HERC1: variants seen among roughly 807,000 people sequenced by gnomAD.
HERC1 encodes probable E3 ubiquitin-protein ligase HERC1.
HERC1 carries 160 observed loss-of-function variants against 554.3 expected under a neutral mutation model. The ratio of observed to expected loss-of-function variants is 0.29; its 90% CI spans 0.25 to 0.33. The LOEUF (loss-of-function observed/expected upper bound fraction) is 0.33. Among genes scored for constraint, HERC1 ranks in the 10% least tolerant of loss-of-function variants. HERC1 has a pLI of 1.00. For missense variants in HERC1, 4,919 were observed against 5,918.5 expected (o/e 0.83, Z 5.54); for synonymous variants, 2,175 against 2,131.7 (o/e 1.02, Z -0.56).
Position 63,718,482 on chromosome 15 carries a change from C to G in HERC1, c.3978+92G>C. The G allele has an allele frequency of 4.7e-6, 6 of 1,280,718 alleles. No homozygotes were observed. Among genetic ancestry groups the G allele is most frequent in the Non-Finnish European group, 5.3e-6 (5 of 944,734 alleles). 79.3% of individuals were successfully genotyped at this position (1,280,718 alleles called of 1,614,324 possible). On this transcript the variant is annotated intron_variant, in intron 21 of 77. Coordinates refer to ENST00000443617, the MANE Select transcript of HERC1 (RefSeq NM_003922.4). The surrounding 1 kb of genome is among the most constrained non-coding windows in gnomAD (Gnocchi z 4.2). ...AACATGTATTGAACATATGCAATAA[C>G]CAAGGCACATTTTTTTCTCACATAA...
In HERC1 at chr15:63,608,978, A is replaced by C; in HGVS notation, c.*103T>G. 1 of 985,870 alleles carries C rather than the reference A, an allele frequency of 1.0e-6. No individual in the cohort carries two copies. Among genetic ancestry groups the C allele is most frequent in the Admixed American group, 3.2e-5 (1 of 30,782 alleles). 61.1% of individuals were successfully genotyped at this position (985,870 alleles called of 1,614,324 possible). A position where few individuals can be genotyped will look rare whatever the true frequency, so the allele number is the denominator to read the frequency against. On this transcript the variant is annotated 3_prime_UTR_variant, in exon 78 of 78. Coordinates refer to ENST00000443617, the MANE Select transcript of HERC1 (RefSeq NM_003922.4). ...TGGCCATTGTTTATAATGTTGGTTTATGTTCTTATAACATCTATGTAGTTA... is the reference window on the plus strand; with the variant it reads ...TGGCCATTGTTTATAATGTTGGTTTCTGTTCTTATAACATCTATGTAGTTA...
intron 1 of HERC1, among the ~76,000 whole-genome samples, chr15:63,817,953 T>C (rs568534246): frequency 1.4e-4 from 22 of 152,200 alleles, no homozygotes; most frequent in South Asian, 4.1e-4. Flanking sequence ...CCTATTCCCA[T>C]AATAGATTAA....
intron 1 of HERC1, among the ~76,000 whole-genome samples, chr15:63,829,561 G>GTGTGTATATATATATA (rs1220043639): frequency 6.1e-5 from 5 of 81,762 alleles, no homozygotes; most frequent in Non-Finnish European, 9.5e-5. Context: ...GTGTGTGTGT[G>GTGTGTATATATATATA]TATATATATA....
At chr15:63,640,941 A>C (rs753256525) in intron 60 of HERC1, among the ~76,000 whole-genome samples, 25 of 152,226 alleles carry the variant, frequency 1.6e-4, no homozygotes, top group Non-Finnish European at 3.7e-4. Flanking sequence ...AAAAAGCTGG[A>C]AGACAGGCTA....
intron 2 of HERC1, among the ~76,000 whole-genome samples, chr15:63,769,229 C>T (rs2075876508): frequency 1.3e-5 from 2 of 152,048 alleles, no homozygotes; most frequent in African/African-American, 2.4e-5. Context: ...ACCAGCCTGG[C>T]CAACATGGCA....
chr15:63,649,147 G>A (rs139276078), intron 54 of HERC1, among the ~76,000 whole-genome samples: 147 of 152,296 alleles, frequency 9.7e-4, no homozygotes, highest in African/African-American at 3.3e-3. Context: ...AAGGTGAGGA[G>A]ATCGAGACCA....
At chr15:63,626,462 A>G (rs372581032) in intron 70 of HERC1, among the ~76,000 whole-genome samples, 10 of 152,322 alleles carry the variant, frequency 6.6e-5, no homozygotes, top group South Asian at 4.1e-4. Context: ...GTTCTTTCAC[A>G]AAAATAAAGC....
intron 55 of HERC1, among the ~76,000 whole-genome samples, chr15:63,647,744 G>C (rs1395362670): frequency 6.6e-6 from 1 of 152,062 alleles, no homozygotes; most frequent in African/African-American, 2.4e-5. Flanking sequence ...AAATAAGTCA[G>C]ACACAGAAAG....
At chr15:63,626,388 T>C (rs1035202511) in intron 70 of HERC1, among the ~76,000 whole-genome samples, 2 of 152,352 alleles carry the variant, frequency 1.3e-5, no homozygotes, top group East Asian at 3.8e-4. Context: ...TTCATTATTA[T>C]GGAAATGAAA....
Position 63,713,404 on chromosome 15 carries a change from T to C in HERC1, c.4412A>G (p.Gln1471Arg), listed in dbSNP as rs767845716. ...DELQKRREEG[Q>R]LQQPSTSASE... ...GGCACTTGTTGAAGGTTGCTGCAAC[T>C]GTCCTTCTTCTCTTCGCTTCTGAAG... The change falls in exon 23 of 78, where the codon CAG (glutamine) becomes CGG (arginine). Residue 1471 changes from glutamine to arginine, a missense_variant. Gln to Arg is a conservative substitution (Grantham distance 43). Coordinates refer to ENST00000443617, the MANE Select transcript of HERC1 (RefSeq NM_003922.4). The C allele has an allele frequency of 6.2e-7, 1 of 1,614,070 alleles. No homozygotes were observed. Among genetic ancestry groups the C allele is most frequent in the Admixed American group, 1.7e-5 (1 of 60,026 alleles).
Position 63,658,644 on chromosome 15 carries a change from G to C in HERC1, c.9499C>G (p.Pro3167Ala). 6.2e-7 allele frequency: 1 copy of C among 1,613,894 alleles called. No individual in the cohort carries two copies. Among genetic ancestry groups the C allele is most frequent in the Non-Finnish European group, 8.5e-7 (1 of 1,179,790 alleles). The change falls in exon 48 of 78, where the codon CCT becomes GCT. Residue 3167 changes from proline (P) to alanine (A), a missense_variant. Physicochemically the swap from Pro to Ala is conservative, Grantham distance 27 (BLOSUM62 -1). This residue lies in a region of HERC1 where 1,963 missense variants were observed against 2,228.6 expected (regional missense o/e 0.88). Coordinates refer to ENST00000443617, the MANE Select transcript of HERC1 (RefSeq NM_003922.4). Reference sequence around the variant, plus strand: ...CTTAAAGCCACCACACGGTCATGAGGGTTTGCTAGGGCAGCTGCCTGCTCT... The same window carrying C: ...CTTAAAGCCACCACACGGTCATGAGCGTTTGCTAGGGCAGCTGCCTGCTCT... ...LGEQAAALAN[P>A]HDRVVALRRV...
At position 63,678,287 on chromosome 15, in the gene HERC1, C is replaced by A; in HGVS notation, c.6628G>T (p.Ala2210Ser). The change falls in exon 37 of 78, where the codon GCA (alanine) becomes TCA (serine). Residue 2210 changes from alanine to serine, a missense_variant. Ala to Ser is a moderately conservative substitution (Grantham distance 99, BLOSUM62 1). Coordinates refer to ENST00000443617, the MANE Select transcript of HERC1 (RefSeq NM_003922.4). ...PGDPICSPVA[A>S]VLAEATIQLI... ...TGAATAGTGGCCTCAGCCAGCACTG[C>A]TGCTACTGGACTACAAATAGGGTCT... is the stretch of plus-strand genomic sequence containing the variant. 1 of 1,613,642 alleles carries A rather than the reference C, an allele frequency of 6.2e-7. No homozygotes were observed. Among genetic ancestry groups the A allele is most frequent in the South Asian group, 1.1e-5 (1 of 91,038 alleles).
At chr15:63,814,635 G>A (rs1263106141) in intron 1 of HERC1, among the ~76,000 whole-genome samples, 1 of 151,980 alleles carries the variant, frequency 6.6e-6, no homozygotes, top group Non-Finnish European at 1.5e-5. Context: ...TTTTGTACTA[G>A]TTTTTGTATT....
At chr15:63,635,824 C>T in intron 65 of HERC1, 137 bp downstream of exon 65, 3 of 930,140 alleles carry the variant, frequency 3.2e-6, no homozygotes, top group South Asian at 1.7e-5. Flanking sequence ...TGAATCTGAA[C>T]ATCCAAAACC....
In HERC1 at chr15:63,680,685, G is replaced by A. The variant is rs759604048; in HGVS notation, c.6317C>T (p.Ser2106Leu). Residue 2106 changes from serine to leucine, a missense_variant, in exon 35 of 78, where the codon TCG becomes TTG. By Grantham distance (145) the Ser-to-Leu change is moderately radical. Transcript: ENST00000443617. This position sits in a 1 kb window ranked among gnomAD's most constrained non-coding sequence, Gnocchi z 5.8. The stretch of plus-strand genomic sequence containing the variant: ...GTAGGCCCTATAGAGCCACATATCC[G>A]AGGTAGTGCGGTGATTAAAGTCATG... ...PVHDFNHRTT[S>L]DMWLYRAYSG... 6.8e-6 allele frequency: 11 copies of A among 1,613,636 alleles called. No homozygotes were observed. The South Asian group carries it at 7.7e-5, about 11-fold the overall frequency.
In HERC1 at chr15:63,666,407, G is replaced by A; in HGVS notation, c.8272C>T (p.Leu2758=). The change falls in exon 41 of 78, where the codon CTG becomes TTG. Residue 2758 remains leucine, a synonymous_variant. Transcript: ENST00000443617. ...PPPPAIAVPL[L]EMGFSLRQIA... ...TGCCGAAGAGAGAACCCCATTTCCA[G>A]CAAGGGAACTGCAATTGCTGGAGGA... The A allele has an allele frequency of 1.2e-6, 2 of 1,613,686 alleles. No individual in the cohort carries two copies. Among genetic ancestry groups the A allele is most frequent in the Non-Finnish European group, 1.7e-6 (2 of 1,179,774 alleles).
rs764896491 is a variant in HERC1, at chr15:63,634,900, C to A, written c.12415-12G>T. ...AAGCCACAAGACATCTAAGACAGAA[C>A]CAAGGAGAAAGAAAATTTTTAAGAA... On this transcript the variant is annotated splice_polypyrimidine_tract_variant and intron_variant, in intron 65 of 77. Coordinates refer to ENST00000443617, the MANE Select transcript of HERC1 (RefSeq NM_003922.4). The A allele has an allele frequency of 1.3e-6, 2 of 1,564,022 alleles. No individual in the cohort carries two copies. The highest frequency in any genetic ancestry group is 4.0e-5 in the Admixed American group (2 of 50,066).
rs1343631501 is a variant in HERC1 at position 63,746,230 on chromosome 15, GTTTTC to G, written c.2520+683_2520+687del. Among the ~76,000 whole-genome samples the G allele has an allele frequency of 1.1e-4, 16 of 151,802 alleles. No individual in the cohort carries two copies. The South Asian group carries it at 1.2e-3, about 12-fold the overall frequency. On this transcript the variant is annotated intron_variant, in intron 12 of 77. Transcript: ENST00000443617. ...ATGAGTTTTGGTATGTTAAGTTTTT[GTTTTC>G]ATTAATCTTAAGTATTAAATTTATC...
intron 24 of HERC1, among the ~76,000 whole-genome samples, chr15:63,711,984 G>C (rs543493509): frequency 6.6e-6 from 1 of 152,128 alleles, no homozygotes; most frequent in Admixed American, 6.5e-5. Context: ...GATAGTTTTC[G>C]CTTTATATTT....
Sources: allele counts gnomAD v4.1 joint callset (sites outside exome capture counted in the v4.1 genomes callset), GRCh38; gene constraint gnomAD v4.1.1; regional missense constraint gnomAD v4.1.1; non-coding constraint Gnocchi (gnomAD v3.1); transcripts MANE v1.5; gene names NCBI Gene and HGNC (gene_info 2026-07-23, HGNC 2026-07-21).